Variants in PATJ observed in about 807,000 individuals in gnomAD.
PATJ encodes the protein PATJ crumbs cell polarity complex component.
PATJ carries 190 observed loss-of-function variants against 224.9 expected under a neutral mutation model. The observed-to-expected ratio is 0.84, with a 90% CI of 0.75 to 0.95. The LOEUF is 0.95. Among genes scored for constraint, PATJ ranks in the 40% least tolerant of loss-of-function variants. The probability of loss-of-function intolerance (pLI) is 0.00; values close to 1 mark genes in which losing one functional copy is unlikely to be tolerated. For synonymous variants in PATJ, 769 were observed against 820.3 expected (o/e 0.94, Z 1.07); for missense variants, 2,121 against 2,270.3 (o/e 0.93, Z 1.34).
chr1:62,162,310 G>A lies in PATJ; in HGVS notation c.*1256G>A, dbSNP rs1481312873. On this transcript the variant is annotated 3_prime_UTR_variant, in exon 44 of 44. Transcript: ENST00000642238. Reference sequence around the variant, plus strand: ...TTTGTCTCAAGTCAGACAAGGTCTAGGTGGCCTTGGCCTTATGCAAAGTGG... The same window carrying A: ...TTTGTCTCAAGTCAGACAAGGTCTAAGTGGCCTTGGCCTTATGCAAAGTGG... 6.6e-6 allele frequency: 1 copy of A among 152,216 alleles called. No individual in the cohort carries two copies. Among genetic ancestry groups the A allele is most frequent in the Non-Finnish European group, 1.5e-5 (1 of 68,054 alleles). The allele number at this position is 152,216 out of a possible 1,614,324, so 9.4% of individuals were successfully genotyped here. A position where few individuals can be genotyped will look rare whatever the true frequency, so the allele number is the denominator to read the frequency against.
rs548557219 is a variant in PATJ at position 61,754,520 on chromosome 1, G to GT, written c.-35-8316dup. Among the ~76,000 whole-genome samples, 96 of 94,396 alleles carry GT rather than the reference G, an allele frequency of 1.0e-3. 2 individuals are homozygous for GT. The highest frequency in any genetic ancestry group is 1.8e-3 in the African/African-American group (47 of 26,480). 61.9% of individuals were successfully genotyped at this position (94,396 alleles called of 152,430 possible). ...ACCATGCCTGGCTAATTTTTTGCAT[G>GT]TTTTTTTTTTTTTTTTTTTTTTGTA... is the stretch of plus-strand genomic sequence containing the variant. On this transcript the variant is annotated intron_variant, in intron 1 of 43. Coordinates refer to ENST00000642238, the MANE Select transcript of PATJ (RefSeq NM_001350145.3).
In PATJ at chr1:61,831,625, A is replaced by G. The variant is rs1242137466; in HGVS notation, c.1981-2029A>G. Among the ~76,000 whole-genome samples, 4 of 152,218 alleles carry G rather than the reference A, an allele frequency of 2.6e-5. No individual in the cohort carries two copies. In the East Asian group the frequency reaches 7.7e-4, roughly 29 times the overall value. ...TAGAGAAATGCAAATCAAAACTACAATGAGATACCATCTCATACCAGTCAC... is the reference window on the plus strand; with the variant it reads ...TAGAGAAATGCAAATCAAAACTACAGTGAGATACCATCTCATACCAGTCAC... On this transcript the variant is annotated intron_variant, in intron 16 of 43. Transcript: ENST00000642238.
chr1:61,861,138 A>C (rs1664467175), intron 18 of PATJ, among the ~76,000 whole-genome samples: 1 of 151,478 alleles, frequency 6.6e-6, no homozygotes, highest in Non-Finnish European at 1.5e-5. Flanking sequence ...AAGTTTGGGA[A>C]GCTCTGACCT....
At position 61,791,365 on chromosome 1, in the gene PATJ, A is replaced by G; in HGVS notation, c.1086A>G (p.Glu362=). ...KGPGSDSSLF[E]TYNVELVRKD... ...CCTTTTAGGACAGTTCTCTTTTTGA[A>G]ACTTATAATGTTGAGCTTGTGAGAA... The change falls in exon 9 of 44, where the codon GAA becomes GAG. Residue 362 remains glutamate, a synonymous_variant. Transcript: ENST00000642238. 6.2e-7 allele frequency: 1 copy of G among 1,610,322 alleles called. No individual in the cohort carries two copies. Among genetic ancestry groups the G allele is most frequent in the Non-Finnish European group, 8.5e-7 (1 of 1,177,230 alleles).
intron 22 of PATJ, among the ~76,000 whole-genome samples, chr1:61,889,592 G>A (rs1214876554): frequency 6.6e-6 from 1 of 152,110 alleles, no homozygotes; most frequent in Non-Finnish European, 1.5e-5. Flanking sequence ...ACAATAACTG[G>A]TAATCAAATA....
rs58677444 is a variant in PATJ, at chr1:62,121,065, G to A, written c.4891-116G>A. ...TTGTTTTCTTTCCTGGCCTCCTCAC[G>A]ATTTTCTGTTAGATGGTTATGGTGA... On this transcript the variant is annotated intron_variant, in intron 37 of 43. Coordinates refer to ENST00000642238, the MANE Select transcript of PATJ (RefSeq NM_001350145.3). 5,888 of 662,220 alleles carry A rather than the reference G, an allele frequency of 8.9e-3. 244 individuals are homozygous for A. In the African/African-American group the frequency reaches 0.097, roughly 11 times the overall value. 41.0% of individuals were successfully genotyped at this position (662,220 alleles called of 1,614,324 possible).
At chr1:61,954,752 A>ATTTTT (rs373997284) in intron 27 of PATJ, among the ~76,000 whole-genome samples, 2 of 112,310 alleles carry the variant, frequency 1.8e-5, no homozygotes, top group Non-Finnish European at 1.8e-5. Context: ...GCCAAACTCT[A>ATTTTT]TTGTTTTTTT....
chr1:62,151,759 A>C (rs1245310798), intron 42 of PATJ, among the ~76,000 whole-genome samples: 1 of 152,224 alleles, frequency 6.6e-6, no homozygotes, highest in Non-Finnish European at 1.5e-5. Context: ...TCAGACATGC[A>C]TGTTGCCACA....
At chr1:61,935,310 G>A (rs1014455726) in intron 27 of PATJ, among the ~76,000 whole-genome samples, 3 of 152,126 alleles carry the variant, frequency 2.0e-5, no homozygotes, top group African/African-American at 7.2e-5. Context: ...CCACACTGTA[G>A]GAATCCTAAA....
At chr1:61,974,257 C>T (rs1309676772) in intron 27 of PATJ, among the ~76,000 whole-genome samples, 2 of 151,942 alleles carry the variant, frequency 1.3e-5, no homozygotes, top group African/African-American at 2.4e-5. Flanking sequence ...GATAAACTTC[C>T]TTGTACTAAA....
At chr1:61,938,464 T>C (rs909011697) in intron 27 of PATJ, among the ~76,000 whole-genome samples, 2 of 152,166 alleles carry the variant, frequency 1.3e-5, no homozygotes, top group Admixed American at 1.3e-4. Flanking sequence ...GGGATCTATA[T>C]GCCAAACCTC....
At chr1:61,869,099 T>A (rs1053380646) in intron 20 of PATJ, among the ~76,000 whole-genome samples, 15 of 56,158 alleles carry the variant, frequency 2.7e-4, no homozygotes, top group African/African-American at 8.2e-4. Context: ...GAAATAACAT[T>A]TTTTTTTTTT....
At chr1:61,825,442 A>T (rs1658070488) in intron 15 of PATJ, among the ~76,000 whole-genome samples, 2 of 152,188 alleles carry the variant, frequency 1.3e-5, no homozygotes, top group Non-Finnish European at 2.9e-5. Context: ...GAATAACCAA[A>T]AATACAAAAT....
At chr1:61,805,240 C>A (rs1357089330) in intron 12 of PATJ, among the ~76,000 whole-genome samples, 5 of 152,192 alleles carry the variant, frequency 3.3e-5, no homozygotes. Context: ...AATTTGGTCA[C>A]AGCTGATCTT....
chr1:61,945,162 C>T (rs1263346284), intron 27 of PATJ, among the ~76,000 whole-genome samples: 1 of 152,176 alleles, frequency 6.6e-6, no homozygotes, highest in Non-Finnish European at 1.5e-5. Context: ...GAAGAAACTG[C>T]ATCAACTAAC....
rs570082254 is a variant in PATJ, at chr1:61,976,440, C to T, written c.3671-13728C>T. On this transcript the variant is annotated intron_variant, in intron 27 of 43. Transcript: ENST00000642238. ...TGTTTTATTGAGATGGAGTCTTGCT[C>T]TTGTTGCCCAGGCTGGAGTGCAATG... Among the ~76,000 whole-genome samples the T allele has an allele frequency of 4.1e-4, 62 of 152,026 alleles. 1 individual carries two copies. Among genetic ancestry groups the T allele is most frequent in the African/African-American group, 1.4e-3 (60 of 41,386 alleles).
intron 9 of PATJ, 61 bp from the exon 10 acceptor site, chr1:61,795,406 T>C: frequency 1.1e-6 from 1 of 904,958 alleles, no homozygotes; most frequent in Non-Finnish European, 1.7e-6. Flanking sequence ...TTGATACAAA[T>C]TTTGCAATCA....
chr1:61,925,286 G>A lies in PATJ; in HGVS notation c.3571-2444G>A, dbSNP rs77437613. ...AAAAAAAAGACAGACAGGCAAACAA[G>A]AAGACTAAAAAATGCATTCTCTGTT... On this transcript the variant is annotated intron_variant, in intron 26 of 43. Transcript: ENST00000642238. 1.5e-3 allele frequency among the ~76,000 whole-genome samples: 182 copies of A among 123,332 alleles called. 5 individuals are homozygous for A. The highest frequency in any genetic ancestry group is 4.1e-3 in the African/African-American group (110 of 26,622). 80.9% of individuals were successfully genotyped at this position (123,332 alleles called of 152,430 possible).
chr1:62,108,646 T>C (rs1346225086), intron 34 of PATJ, 126 bp downstream of exon 34: 3 of 510,254 alleles, frequency 5.9e-6, no homozygotes, highest in Non-Finnish European at 6.9e-6. Flanking sequence ...AAAATACTTA[T>C]CATATTCTTT....
Sources: allele counts gnomAD v4.1 joint callset (sites outside exome capture counted in the v4.1 genomes callset), GRCh38; gene constraint gnomAD v4.1.1; transcripts MANE v1.5; gene names NCBI Gene and HGNC (gene_info 2026-07-23, HGNC 2026-07-21).